The following KMT2C variants were observed in gnomAD, a reference collection of about 807,000 sequenced individuals.
KMT2C encodes histone-lysine N-methyltransferase 2C.
In KMT2C, 88 loss-of-function variants were observed where a neutral mutation model predicts 507.9. That is an observed-to-expected ratio of 0.17 (90% CI 0.15 to 0.21). KMT2C has a LOEUF of 0.21. Among genes scored for constraint, KMT2C ranks in the 10% least tolerant of loss-of-function variants. KMT2C has a pLI of 1.00. For synonymous variants in KMT2C, 2,049 were observed against 2,080.8 expected (o/e 0.98, Z 0.42); for missense variants, 4,954 against 5,957.8 (o/e 0.83, Z 5.55).
At chr7:152,338,293 A>G (rs139242286) in intron 2 of KMT2C, among the ~76,000 whole-genome samples, 4 of 152,360 alleles carry the variant, frequency 2.6e-5, no homozygotes, top group African/African-American at 9.6e-5. Flanking sequence ...TCATTAATTT[A>G]GAATGGTTAT....
chr7:152,307,825 C>T (rs181465557), intron 6 of KMT2C, among the ~76,000 whole-genome samples: 1 of 152,286 alleles, frequency 6.6e-6, no homozygotes, highest in African/African-American at 2.4e-5. Flanking sequence ...CATGCAAATA[C>T]ATACACCTAC....
chr7:152,371,955 C>A (rs1208520590), intron 1 of KMT2C, among the ~76,000 whole-genome samples: 2 of 151,796 alleles, frequency 1.3e-5, no homozygotes, highest in African/African-American at 4.8e-5. Flanking sequence ...ATGCTGCCTA[C>A]AAGATACATG....
chr7:152,431,467 C>T (rs891465833), intron 1 of KMT2C, among the ~76,000 whole-genome samples: 3 of 151,828 alleles, frequency 2.0e-5, no homozygotes, highest in African/African-American at 7.3e-5. Flanking sequence ...CATGGTAGTA[C>T]GTGCCTGCAG....
chr7:152,229,340 T>C (rs1426746588), intron 18 of KMT2C, among the ~76,000 whole-genome samples: 1 of 152,098 alleles, frequency 6.6e-6, no homozygotes, highest in African/African-American at 2.4e-5. Context: ...TAGATACAAC[T>C]AGTGAAGTAT....
intron 14 of KMT2C, among the ~76,000 whole-genome samples, chr7:152,244,659 T>C (rs2095440530): frequency 6.6e-6 from 1 of 152,254 alleles, no homozygotes; most frequent in Admixed American, 6.5e-5. Context: ...TTGCTGTCTG[T>C]TACTTCTCCT....
At chr7:152,371,284 T>C (rs187228115) in intron 1 of KMT2C, among the ~76,000 whole-genome samples, 2 of 152,282 alleles carry the variant, frequency 1.3e-5, no homozygotes, top group Admixed American at 6.5e-5. Context: ...AAATGTAAAG[T>C]TGTGGTATAC....
rs145379616 is a variant in KMT2C at position 152,162,336 on chromosome 7, G to C, written c.11241C>G (p.Asn3747Lys). Residue 3747 changes from asparagine to lysine, a missense_variant, in exon 43 of 59, where the codon AAC becomes AAG. Around this residue, in one of 29 missense-constraint regions of KMT2C, gnomAD observed 801 missense variants for 751.2 expected, o/e 1.07. Coordinates refer to ENST00000262189, the MANE Select transcript of KMT2C (RefSeq NM_170606.3). The stretch of plus-strand genomic sequence containing the variant: ...CTGAGGAGACAGGACAGGCTACAGC[G>C]TTTCCTTCTACCTTACTACCATTCT... ...EEQNGSKVEG[N>K]AVACPVSSAQ... The C allele has an allele frequency of 2.5e-6, 4 of 1,614,086 alleles. No homozygotes were observed. The highest frequency in any genetic ancestry group is 3.4e-6 in the Non-Finnish European group (4 of 1,180,032).
intron 1 of KMT2C, among the ~76,000 whole-genome samples, chr7:152,426,727 A>C (rs913422923): frequency 7.9e-5 from 12 of 152,176 alleles, no homozygotes; most frequent in Non-Finnish European, 1.8e-4. Flanking sequence ...CTACACATAT[A>C]TATAAATTCA....
In KMT2C at chr7:152,191,738, A is replaced by G. The variant is rs116596965; in HGVS notation, c.4660+2271T>C. ...ACAATCAGCACCAATGTCCACTTCTAGTTTTGCTTCCTTAAACAATGCCCA... is the reference window on the plus strand; with the variant it reads ...ACAATCAGCACCAATGTCCACTTCTGGTTTTGCTTCCTTAAACAATGCCCA... On this transcript the variant is annotated intron_variant, in intron 31 of 58. Transcript: ENST00000262189. Among the ~76,000 whole-genome samples, 1,163 of 152,340 alleles carry G rather than the reference A, an allele frequency of 7.6e-3. 13 individuals carry two copies. The highest frequency in any genetic ancestry group is 0.027 in the African/African-American group (1,121 of 41,574).
rs1292141839 is a variant in KMT2C, at chr7:152,171,310, G to C, written c.9407C>G (p.Thr3136Arg). 1.2e-6 allele frequency: 2 copies of C among 1,608,672 alleles called. No homozygotes were observed. Among genetic ancestry groups the C allele is most frequent in the East Asian group, 4.5e-5 (2 of 44,632 alleles). Residue 3136 changes from threonine (T) to arginine (R), a missense_variant, in exon 40 of 59, where the codon ACA becomes AGA. Thr to Arg is a moderately conservative substitution (Grantham distance 71). Transcript: ENST00000262189. ...AAGGTTCTGTCCTTCACTGTTCTGTGTTCCAGTTACCACCTGGCCCATAAA... is the reference window on the plus strand; with the variant it reads ...AAGGTTCTGTCCTTCACTGTTCTGTCTTCCAGTTACCACCTGGCCCATAAA... ...FPFMGQVVTGTQNSEGQNLGP... is the reference protein window; with the variant it reads ...FPFMGQVVTGRQNSEGQNLGP...
chr7:152,373,718 T>C lies in KMT2C; in HGVS notation c.162-15043A>G, dbSNP rs565528881. Reference sequence around the variant, plus strand: ...AGATCAACACAGTAACATATAAACATCAATAACTTTTCTATACAGCATACA... The same window carrying C: ...AGATCAACACAGTAACATATAAACACCAATAACTTTTCTATACAGCATACA... On this transcript the variant is annotated intron_variant, in intron 1 of 58. Transcript: ENST00000262189. 6.6e-5 allele frequency among the ~76,000 whole-genome samples: 10 copies of C among 152,268 alleles called. No homozygotes were observed. The East Asian group carries it at 1.9e-3, about 29-fold the overall frequency.
At chr7:152,179,312 T>G (rs2093344735) in intron 37 of KMT2C, among the ~76,000 whole-genome samples, 1 of 152,158 alleles carries the variant, frequency 6.6e-6, no homozygotes, top group Admixed American at 6.5e-5. Context: ...TAATTTAGAA[T>G]GTAAAGTTAA....
rs537399842 is a variant in KMT2C, at chr7:152,326,354, CA to C, written c.389+4246del. On this transcript the variant is annotated intron_variant, in intron 3 of 58. Coordinates refer to ENST00000262189, the MANE Select transcript of KMT2C (RefSeq NM_170606.3). ...TTATGTCTGTGATCCTTAATCTTTC[CA>C]AAAAGTTTTATAATTTTCTCTATAA... Among the ~76,000 whole-genome samples the C allele has an allele frequency of 2.1e-3, 321 of 152,064 alleles. 3 individuals are homozygous for C. Among genetic ancestry groups the C allele is most frequent in the Middle Eastern group, 0.01 (3 of 294 alleles).
At chr7:152,310,334 G>A (rs1347079387) in intron 5 of KMT2C, among the ~76,000 whole-genome samples, 2 of 152,184 alleles carry the variant, frequency 1.3e-5, no homozygotes, top group African/African-American at 4.8e-5. Flanking sequence ...TCAGCACTTT[G>A]GGAGGCCAAC....
At chr7:152,252,995 C>G (rs564674752) in intron 9 of KMT2C, among the ~76,000 whole-genome samples, 2 of 152,118 alleles carry the variant, frequency 1.3e-5, no homozygotes, top group East Asian at 3.9e-4. Flanking sequence ...GCTGGGACTA[C>G]AGGTGTGTGC....
At chr7:152,280,230 A>G (rs2096180282) in intron 6 of KMT2C, among the ~76,000 whole-genome samples, 1 of 152,152 alleles carries the variant, frequency 6.6e-6, no homozygotes. Flanking sequence ...GAGTGACCCA[A>G]GCCAATAGGC....
chr7:152,329,128 C>T (rs937815996), intron 3 of KMT2C, among the ~76,000 whole-genome samples: 4 of 152,072 alleles, frequency 2.6e-5, no homozygotes, highest in Non-Finnish European at 5.9e-5. Flanking sequence ...AGGGAGTGAA[C>T]AGAGACAAAA....
chr7:152,178,078 GA>G (rs1368792871), intron 37 of KMT2C, 68 bp from the exon 38 acceptor site: 25 of 1,275,434 alleles, frequency 2.0e-5, no homozygotes, highest in Non-Finnish European at 2.4e-5. Context: ...GAGTTAAGTT[GA>G]AAAAAAGAAA....
chr7:152,433,169 T>C (rs1285439735), intron 1 of KMT2C, among the ~76,000 whole-genome samples: 1 of 152,090 alleles, frequency 6.6e-6, no homozygotes, highest in Non-Finnish European at 1.5e-5. Flanking sequence ...AAAAGGCATC[T>C]TCTCTACTTA....
Sources: allele counts gnomAD v4.1 joint callset (sites outside exome capture counted in the v4.1 genomes callset), GRCh38; gene constraint gnomAD v4.1.1; regional missense constraint gnomAD v4.1.1; transcripts MANE v1.5; gene names NCBI Gene and HGNC (gene_info 2026-07-23, HGNC 2026-07-21).